The following ZCCHC14 variants were observed in gnomAD, a reference collection of about 807,000 sequenced individuals.
ZCCHC14 encodes the protein zinc finger CCHC domain-containing protein 14.
ZCCHC14 carries 16 observed loss-of-function variants against 85.0 expected under a neutral mutation model. That is an observed-to-expected ratio of 0.19 (90% CI 0.13 to 0.29). The LOEUF (loss-of-function observed/expected upper bound fraction) is 0.29, where lower values mean the gene tolerates loss of function less well. Among genes scored for constraint, ZCCHC14 ranks in the 10% least tolerant of loss-of-function variants. The pLI is 1.00. For missense variants in ZCCHC14, 1,303 were observed against 1,443.5 expected, an observed-to-expected ratio of 0.90 and a Z score of 1.58; for synonymous variants, 775 against 630.7, an observed-to-expected ratio of 1.23 and a Z score of -3.43.
In ZCCHC14 at chr16:87,406,883, C is replaced by G. The variant is rs1297186219; in HGVS notation, c.*3397G>C. The G allele has an allele frequency of 2.0e-5, 3 of 152,230 alleles. No homozygotes were observed. Among genetic ancestry groups the G allele is most frequent in the Non-Finnish European group, 4.4e-5 (3 of 68,084 alleles). 9.4% of individuals were successfully genotyped at this position (152,230 alleles called of 1,614,324 possible). ...GTCACCTGCATGCTGGAAATGGCAG[C>G]CACCCCCGCTCAGGTCGCACAGGAC... On this transcript the variant is annotated 3_prime_UTR_variant, in exon 13 of 13. Transcript: ENST00000671377.
chr16:87,445,572 G>C (rs570345246), intron 2 of ZCCHC14, among the ~76,000 whole-genome samples: 18 of 152,198 alleles, frequency 1.2e-4, no homozygotes, highest in Non-Finnish European at 1.8e-4. Flanking sequence ...GAATTACTTG[G>C]TATAGGTTTT....
At chr16:87,411,075 G>A (rs1908408413) in intron 12 of ZCCHC14, among the ~76,000 whole-genome samples, 1 of 152,264 alleles carries the variant, frequency 6.6e-6, no homozygotes, top group African/African-American at 2.4e-5. Flanking sequence ...CAGCATGGCT[G>A]AGGGGTGACA....
chr16:87,419,875 T>C lies in ZCCHC14; in HGVS notation c.953A>G (p.Tyr318Cys), dbSNP rs1452856113. The C allele has an allele frequency of 6.2e-7, 1 of 1,606,158 alleles. No individual in the cohort carries two copies. Among genetic ancestry groups the C allele is most frequent in the South Asian group, 1.1e-5 (1 of 88,660 alleles). Residue 318 changes from tyrosine (Y) to cysteine (C), a missense_variant and splice_region_variant, in exon 6 of 13, where the codon TAC becomes TGC. Physicochemically the swap from Tyr to Cys is radical, Grantham distance 194. Around this residue, in one of 7 missense-constraint regions of ZCCHC14, gnomAD observed 389 missense variants for 397.8 expected, o/e 0.98. Transcript: ENST00000671377. ...NHVDLDSGLR[Y>C]LASLPSHVLK... ...CACGTGAGAAGGTAATGAGGCCAGGTACCTAAAAGGCAAACAAGTGGTCTT... is the reference window on the plus strand; with the variant it reads ...CACGTGAGAAGGTAATGAGGCCAGGCACCTAAAAGGCAAACAAGTGGTCTT...
At chr16:87,468,836 C>A (rs562114195) in intron 1 of ZCCHC14, among the ~76,000 whole-genome samples, 1 of 152,154 alleles carries the variant, frequency 6.6e-6, no homozygotes, top group Non-Finnish European at 1.5e-5. Context: ...AGTACCTGCC[C>A]GCAGGCCTCA....
intron 1 of ZCCHC14, among the ~76,000 whole-genome samples, chr16:87,490,755 G>A (rs1912717986): frequency 6.6e-6 from 1 of 152,202 alleles, no homozygotes; most frequent in African/African-American, 2.4e-5. Context: ...CAGGTAGCCC[G>A]GCTCTTAAAA....
intron 2 of ZCCHC14, among the ~76,000 whole-genome samples, chr16:87,437,373 G>A (rs547504028): frequency 6.9e-6 from 1 of 145,538 alleles, no homozygotes; most frequent in African/African-American, 2.5e-5. Flanking sequence ...AAATTCAGGG[G>A]CAAACATCAC....
At chr16:87,416,594 A>G (rs915551883) in intron 8 of ZCCHC14, among the ~76,000 whole-genome samples, 12 of 152,022 alleles carry the variant, frequency 7.9e-5, no homozygotes, top group Non-Finnish European at 1.8e-4. Flanking sequence ...GATTCTACTA[A>G]AAATACAAAA....
chr16:87,443,374 G>T (rs1910278205), intron 2 of ZCCHC14, among the ~76,000 whole-genome samples: 2 of 152,140 alleles, frequency 1.3e-5, no homozygotes, highest in African/African-American at 4.8e-5. Flanking sequence ...ATCAATGCAG[G>T]AATTGTCAAG....
At chr16:87,489,089 G>C (rs1239321546) in intron 1 of ZCCHC14, among the ~76,000 whole-genome samples, 2 of 152,230 alleles carry the variant, frequency 1.3e-5, no homozygotes, top group Admixed American at 1.3e-4. Context: ...TTAAATGCTA[G>C]ATTTCATCTG....
At chr16:87,427,208 C>T (rs950082453) in intron 3 of ZCCHC14, among the ~76,000 whole-genome samples, 2 of 152,264 alleles carry the variant, frequency 1.3e-5, no homozygotes, top group African/African-American at 2.4e-5. Context: ...ACACTCATCA[C>T]CACAGGTCCC....
intron 4 of ZCCHC14, among the ~76,000 whole-genome samples, chr16:87,423,355 G>A (rs1033105172): frequency 3.9e-5 from 6 of 152,116 alleles, no homozygotes; most frequent in Non-Finnish European, 8.8e-5. Flanking sequence ...CCACAACCCA[G>A]CCTGGGCGAG....
chr16:87,458,818 C>G (rs1911108053), intron 2 of ZCCHC14, among the ~76,000 whole-genome samples: 2 of 152,170 alleles, frequency 1.3e-5, no homozygotes, highest in Non-Finnish European at 2.9e-5. Context: ...AGAATAGAGG[C>G]CAGCAGATGC....
rs1908208166 is a variant in ZCCHC14, at chr16:87,406,512, C to T, written c.*3768G>A. The stretch of plus-strand genomic sequence containing the variant: ...AAAATGGGAGAATTTTCCTTCATTC[C>T]TAAAAAGAAAATATGTCCAATAGAA... On this transcript the variant is annotated 3_prime_UTR_variant, in exon 13 of 13. Transcript: ENST00000671377. The T allele has an allele frequency of 6.6e-6, 1 of 152,454 alleles. No homozygotes were observed. The allele number at this position is 152,454 out of a possible 1,614,324, so 9.4% of individuals were successfully genotyped here.
chr16:87,484,705 G>A lies in ZCCHC14; in HGVS notation c.570+6964C>T, dbSNP rs538732205. ...CTCAGGGAGGCCTCAGTGGTGAAGC[G>A]ACTAAGAGAAGAGGGGCTGGTAGAG... On this transcript the variant is annotated intron_variant, in intron 1 of 12. Transcript: ENST00000671377. 7.2e-5 allele frequency among the ~76,000 whole-genome samples: 11 copies of A among 152,304 alleles called. 1 individual carries two copies. The highest frequency in any genetic ancestry group is 2.4e-4 in the African/African-American group (10 of 41,576).
rs1908359389 is a variant in ZCCHC14, at chr16:87,409,931, C to T, written c.*349G>A. On this transcript the variant is annotated 3_prime_UTR_variant, in exon 13 of 13. Transcript: ENST00000671377. ...CTCCAAGCTCGGTTCTCGATTCAGA[C>T]CACGTGTAGCTGCCCTGGAATTGAC... The T allele has an allele frequency of 5.3e-6, 1 of 189,150 alleles. No individual in the cohort carries two copies. The highest frequency in any genetic ancestry group is 6.2e-5 in the Admixed American group (1 of 16,256). The allele number at this position is 189,150 out of a possible 1,614,324, so 11.7% of individuals were successfully genotyped here.
Position 87,419,886 on chromosome 16 carries a change from C to T in ZCCHC14, c.951-9G>A. On this transcript the variant is annotated splice_polypyrimidine_tract_variant and intron_variant, in intron 5 of 12. Coordinates refer to ENST00000671377, the MANE Select transcript of ZCCHC14 (RefSeq NM_015144.3). ...GTAATGAGGCCAGGTACCTAAAAGG[C>T]AAACAAGTGGTCTTATCAACATTAA... is the stretch of plus-strand genomic sequence containing the variant. The T allele has an allele frequency of 6.3e-7, 1 of 1,599,078 alleles. No individual in the cohort carries two copies. Among genetic ancestry groups the T allele is most frequent in the Non-Finnish European group, 8.5e-7 (1 of 1,174,878 alleles).
chr16:87,456,229 T>C (rs1430799716), intron 2 of ZCCHC14, among the ~76,000 whole-genome samples: 1 of 152,152 alleles, frequency 6.6e-6, no homozygotes. Flanking sequence ...ACTGTGGGCA[T>C]TTTAGAATTT....
intron 12 of ZCCHC14, 166 bp downstream of exon 12, chr16:87,411,350 T>C: frequency 6.7e-7 from 1 of 1,501,558 alleles, no homozygotes; most frequent in African/African-American, 1.4e-5. Context: ...ACAGCAGTCC[T>C]TCTGGGGACC....
chr16:87,466,079 T>G (rs1911506102), intron 1 of ZCCHC14, among the ~76,000 whole-genome samples: 1 of 152,174 alleles, frequency 6.6e-6, no homozygotes, highest in South Asian at 2.1e-4. Flanking sequence ...TGACGCTGGC[T>G]GCAGGTTGTG....
Sources: gnomAD v4.1 joint callset for allele counts (sites outside exome capture counted in the v4.1 genomes callset) on GRCh38, gnomAD v4.1.1 for gene constraint, gnomAD v4.1.1 regional missense constraint, MANE v1.5 for transcripts, NCBI Gene and HGNC (gene_info 2026-07-23, HGNC 2026-07-21) for gene names.